The following RFX4 variants were observed in gnomAD, a reference collection of about 807,000 sequenced individuals.
RFX4 encodes the protein transcription factor RFX4.
In RFX4, 10 loss-of-function variants were observed where a neutral mutation model predicts 95.0. The observed-to-expected ratio is 0.11, with a 90% CI of 0.06 to 0.18. RFX4 has a LOEUF of 0.18. Among genes scored for constraint, RFX4 ranks in the 10% least tolerant of loss-of-function variants. RFX4 has a pLI of 1.00. For missense variants in RFX4, 640 were observed against 922.0 expected, an observed-to-expected ratio of 0.69 and a Z score of 3.96; for synonymous variants, 321 against 340.7, an observed-to-expected ratio of 0.94 and a Z score of 0.64.
At chr12:106,653,395 G>A (rs2040892356) in intron 3 of RFX4, among the ~76,000 whole-genome samples, 1 of 152,186 alleles carries the variant, frequency 6.6e-6, no homozygotes, top group Non-Finnish European at 1.5e-5. Context: ...CAGGCACCAT[G>A]CGGATGCTTG....
At chr12:106,625,007 G>A (rs539088728) in intron 2 of RFX4, among the ~76,000 whole-genome samples, 2 of 152,128 alleles carry the variant, frequency 1.3e-5, no homozygotes, top group African/African-American at 4.8e-5. Context: ...CAGCACCAGG[G>A]ACCTGGTCAA....
At chr12:106,747,952 A>G (rs1321272815) in intron 16 of RFX4, among the ~76,000 whole-genome samples, 2 of 151,816 alleles carry the variant, frequency 1.3e-5, no homozygotes, top group Non-Finnish European at 1.5e-5. Context: ...AAGAAAAAGA[A>G]AAAAGATCTA....
chr12:106,759,154 A>G (rs1158765936), intron 17 of RFX4, among the ~76,000 whole-genome samples: 1 of 152,210 alleles, frequency 6.6e-6, no homozygotes, highest in Admixed American at 6.5e-5. Context: ...GGTTCTTGAG[A>G]TAAGATTCCA....
chr12:106,636,806 G>T (rs902680407), intron 2 of RFX4, among the ~76,000 whole-genome samples: 1 of 152,122 alleles, frequency 6.6e-6, no homozygotes, highest in Non-Finnish European at 1.5e-5. Context: ...CCATTGTTTG[G>T]GTTGGTTCAA....
intron 8 of RFX4, among the ~76,000 whole-genome samples, chr12:106,702,742 C>A (rs185987073): frequency 5.3e-5 from 8 of 152,324 alleles, no homozygotes; most frequent in African/African-American, 1.9e-4. Context: ...ATCTTTCCCC[C>A]ACCTACAACG....
chr12:106,687,785 A>G (rs1025397521), intron 6 of RFX4, among the ~76,000 whole-genome samples: 2 of 152,134 alleles, frequency 1.3e-5, no homozygotes, highest in Non-Finnish European at 2.9e-5. Flanking sequence ...CTATCTGTCT[A>G]TCTACCTATC....
In RFX4 at chr12:106,689,298, T is replaced by C. The variant is rs773806836; in HGVS notation, c.603T>C (p.Phe201=). Residue 201 remains phenylalanine, a synonymous_variant, in exon 7 of 18, where the codon TTT becomes TTC. Transcript: ENST00000392842. ...ASLPEEKVST[F]IMMYRTHCQR... is the part of the protein sequence containing the mutation. ...ACACACCCCCACAGGTTTCTACCTT[T>C]ATTATGATGTACAGAACACACTGTC... 11 of 1,613,470 alleles carry C rather than the reference T, an allele frequency of 6.8e-6. No individual in the cohort carries two copies. In the South Asian group the frequency reaches 1.1e-4, roughly 16 times the overall value.
At chr12:106,710,868 T>C (rs2042179914) in intron 9 of RFX4, among the ~76,000 whole-genome samples, 1 of 152,206 alleles carries the variant, frequency 6.6e-6, no homozygotes, top group South Asian at 2.1e-4. Context: ...TATCAGCCTA[T>C]TATGTCAGTG....
intron 1 of RFX4, among the ~76,000 whole-genome samples, chr12:106,594,251 T>C (rs2039583688): frequency 6.6e-6 from 1 of 152,174 alleles, no homozygotes; most frequent in African/African-American, 2.4e-5. Context: ...CCAGAGGGCT[T>C]GAGGCCCTCA....
At chr12:106,601,303 T>C (rs777515717) in intron 1 of RFX4, 5 of 1,595,358 alleles carry the variant, frequency 3.1e-6, no homozygotes, top group Non-Finnish European at 1.7e-6. Context: ...CCCACCCTGG[T>C]GCGGGAGGCG....
chr12:106,702,344 G>T (rs1352601307), intron 8 of RFX4, among the ~76,000 whole-genome samples: 1 of 152,158 alleles, frequency 6.6e-6, no homozygotes, highest in African/African-American at 2.4e-5. Context: ...AATATGAGTT[G>T]AGGCAGTCTA....
intron 3 of RFX4, among the ~76,000 whole-genome samples, chr12:106,639,939 C>T (rs1427144839): frequency 6.6e-6 from 1 of 152,118 alleles, no homozygotes. Context: ...TATGTTGTAG[C>T]TTTGAACACT....
intron 4 of RFX4, among the ~76,000 whole-genome samples, chr12:106,677,990 G>A (rs752504882): frequency 6.6e-6 from 1 of 152,176 alleles, no homozygotes; most frequent in Non-Finnish European, 1.5e-5. Context: ...TCACACAGAT[G>A]TTAAAACTGC....
Position 106,683,489 on chromosome 12 carries a change from A to AAC in RFX4, c.377+1436_377+1437insCA, listed in dbSNP as rs1476800496. The AAC allele has an allele frequency of 1.3e-4, 20 of 148,246 alleles. 1 individual carries two copies. In the South Asian group the frequency reaches 3.3e-3, roughly 24 times the overall value. The allele number at this position is 148,246 out of a possible 1,614,324, so 9.2% of individuals were successfully genotyped here. A position where few individuals can be genotyped will look rare whatever the true frequency, so the allele number is the denominator to read the frequency against. ...CTGAAAAAAAAAAAAAAAAAAAAAAAAAAAAAACAAACCTCAGTTATAATT... is the reference window on the plus strand; with the variant it reads ...CTGAAAAAAAAAAAAAAAAAAAAAAAACAAAAAAACAAACCTCAGTTATAATT... On this transcript the variant is annotated intron_variant, in intron 5 of 17. Transcript: ENST00000392842.
At position 106,747,438 on chromosome 12, in the gene RFX4, A is replaced by G; in HGVS notation, c.1635A>G (p.Gly545=). ...AGACGTCTTAATTTGTCTCTGCAGG[A>G]GCAATGCAGTCTTACACGTGGTCTC... is the stretch of plus-strand genomic sequence containing the variant. ...SPEYTGLSTT[G]AMQSYTWSLT... The change falls in exon 16 of 18, where the codon GGA becomes GGG. Residue 545 remains glycine, a splice_region_variant and synonymous_variant. Transcript: ENST00000392842. 6.2e-7 allele frequency: 1 copy of G among 1,613,828 alleles called. No homozygotes were observed. Among genetic ancestry groups the G allele is most frequent in the Non-Finnish European group, 8.5e-7 (1 of 1,179,752 alleles).
intron 3 of RFX4, among the ~76,000 whole-genome samples, chr12:106,651,271 A>G (rs557012117): frequency 6.6e-6 from 1 of 152,278 alleles, no homozygotes; most frequent in African/African-American, 2.4e-5. Context: ...TTGGAATGAG[A>G]CAAACCCTCC....
intron 4 of RFX4, among the ~76,000 whole-genome samples, chr12:106,677,364 G>C (rs554204332): frequency 6.6e-6 from 1 of 152,204 alleles, no homozygotes; most frequent in South Asian, 2.1e-4. Context: ...GTGGATGTGG[G>C]AGCAACATAA....
At chr12:106,606,250 G>T (rs1485432511) in intron 1 of RFX4, among the ~76,000 whole-genome samples, 2 of 152,168 alleles carry the variant, frequency 1.3e-5, no homozygotes, top group Non-Finnish European at 2.9e-5. Context: ...GATGAAAGGG[G>T]GATTGGGGTG....
At chr12:106,626,688 G>A (rs922896205) in intron 2 of RFX4, among the ~76,000 whole-genome samples, 2 of 152,172 alleles carry the variant, frequency 1.3e-5, no homozygotes, top group African/African-American at 2.4e-5. Context: ...GACTAGGCAG[G>A]TGTTAGAGGG....
Sources: gnomAD v4.1 joint callset for allele counts (sites outside exome capture counted in the v4.1 genomes callset) on GRCh38, gnomAD v4.1.1 for gene constraint, MANE v1.5 for transcripts, NCBI Gene and HGNC (gene_info 2026-07-23, HGNC 2026-07-21) for gene names.